NXPH1: variants seen among roughly 807,000 people sequenced by gnomAD.
The protein encoded by NXPH1 is neurexophilin-1.
Under a neutral mutation model 23.7 loss-of-function variants are expected in NXPH1, and 5 were observed. That is an observed-to-expected ratio of 0.21 (90% CI 0.11 to 0.44). The LOEUF is 0.44. NXPH1 is among the 20% of genes least tolerant of loss of function. NXPH1 has a pLI of 0.99. For missense variants in NXPH1, 324 were observed against 321.6 expected, an observed-to-expected ratio of 1.01 and a Z score of -0.06; for synonymous variants, 144 against 122.2, an observed-to-expected ratio of 1.18 and a Z score of -1.18.
chr7:8,646,778 A>C (rs1485940258), intron 2 of NXPH1, among the ~76,000 whole-genome samples: 3 of 151,918 alleles, frequency 2.0e-5, no homozygotes, highest in Admixed American at 6.6e-5. Context: ...GTCCCTCTAT[A>C]ATTTTATTTT....
intron 2 of NXPH1, among the ~76,000 whole-genome samples, chr7:8,658,180 G>T (rs1394992158): frequency 6.6e-6 from 1 of 152,156 alleles, no homozygotes; most frequent in East Asian, 1.9e-4. Flanking sequence ...CTATGTCCAT[G>T]TATACTTTCT....
chr7:8,588,281 G>C (rs1043493556), intron 2 of NXPH1, among the ~76,000 whole-genome samples: 2 of 152,124 alleles, frequency 1.3e-5, no homozygotes, highest in Non-Finnish European at 2.9e-5. Context: ...TCATTCTACT[G>C]TAAAGACACA....
intron 2 of NXPH1, among the ~76,000 whole-genome samples, chr7:8,537,471 C>A (rs959523803): frequency 1.3e-5 from 2 of 151,826 alleles, no homozygotes; most frequent in South Asian, 4.1e-4. Flanking sequence ...AAGTGCTGAG[C>A]AAAGGGGGAA....
intron 2 of NXPH1, among the ~76,000 whole-genome samples, chr7:8,657,188 T>G (rs1272337489): frequency 6.6e-6 from 1 of 152,252 alleles, no homozygotes; most frequent in African/African-American, 2.4e-5. Flanking sequence ...TACAAACATT[T>G]AATTTGAAAT....
chr7:8,568,250 A>G (rs888810138), intron 2 of NXPH1, among the ~76,000 whole-genome samples: 3 of 151,894 alleles, frequency 2.0e-5, no homozygotes, highest in African/African-American at 4.8e-5. Flanking sequence ...AGCATTTAAA[A>G]TTTCCCTTGT....
At chr7:8,653,010 C>T (rs2115153908) in intron 2 of NXPH1, among the ~76,000 whole-genome samples, 1 of 152,050 alleles carries the variant, frequency 6.6e-6, no homozygotes, top group South Asian at 2.1e-4. Context: ...TTTCTGCTTC[C>T]TTTTGTTTAT....
chr7:8,508,059 T>C (rs1399837982), intron 2 of NXPH1, among the ~76,000 whole-genome samples: 2 of 152,104 alleles, frequency 1.3e-5, no homozygotes, highest in African/African-American at 4.8e-5. Flanking sequence ...CCATCCAATA[T>C]TCCTGATTTC....
At chr7:8,464,019 T>C (rs1261278228) in intron 2 of NXPH1, among the ~76,000 whole-genome samples, 1 of 151,198 alleles carries the variant, frequency 6.6e-6, no homozygotes, top group East Asian at 1.9e-4. Context: ...TCTCTCCTCT[T>C]CCTCCTCCTC....
chr7:8,610,755 G>A (rs2128629431), intron 2 of NXPH1, among the ~76,000 whole-genome samples: 1 of 151,624 alleles, frequency 6.6e-6, no homozygotes, highest in Non-Finnish European at 1.5e-5. Flanking sequence ...TTTCAACTTA[G>A]AACAACTGAA....
intron 2 of NXPH1, among the ~76,000 whole-genome samples, chr7:8,497,015 C>T (rs1365628367): frequency 6.6e-6 from 1 of 152,056 alleles, no homozygotes; most frequent in Non-Finnish European, 1.5e-5. Context: ...CTATCCCTCC[C>T]CTTACCCCAT....
chr7:8,490,056 G>T (rs1303040067), intron 2 of NXPH1, among the ~76,000 whole-genome samples: 1 of 152,044 alleles, frequency 6.6e-6, no homozygotes, highest in African/African-American at 2.4e-5. Context: ...GCCTTAAAAG[G>T]AGTGTCCTTC....
At chr7:8,610,116 C>T (rs150370867) in intron 2 of NXPH1, among the ~76,000 whole-genome samples, 3 of 151,972 alleles carry the variant, frequency 2.0e-5, no homozygotes, top group Admixed American at 6.6e-5. Flanking sequence ...ACTTTATAAT[C>T]GTTTTGAGAT....
At chr7:8,659,849 A>T (rs1166325058) in intron 2 of NXPH1, among the ~76,000 whole-genome samples, 1 of 152,212 alleles carries the variant, frequency 6.6e-6, no homozygotes, top group Non-Finnish European at 1.5e-5. Flanking sequence ...TAGTCACCTG[A>T]GGGTGCACAG....
chr7:8,607,137 T>C (rs556136672), intron 2 of NXPH1, among the ~76,000 whole-genome samples: 1 of 152,280 alleles, frequency 6.6e-6, no homozygotes, highest in African/African-American at 2.4e-5. Flanking sequence ...TTAACAAAAT[T>C]AACTCGAAGT....
chr7:8,616,949 T>C (rs1230970239), intron 2 of NXPH1, among the ~76,000 whole-genome samples: 1 of 151,936 alleles, frequency 6.6e-6, no homozygotes, highest in Non-Finnish European at 1.5e-5. Context: ...TTCGTTATAG[T>C]AGTTGTGCCA....
chr7:8,661,677 T>C (rs557565216), intron 2 of NXPH1, among the ~76,000 whole-genome samples: 1 of 152,174 alleles, frequency 6.6e-6, no homozygotes, highest in Non-Finnish European at 1.5e-5. Flanking sequence ...GCGAAATTTA[T>C]GACTTTGGTT....
chr7:8,665,747 T>C (rs959686469), intron 2 of NXPH1, among the ~76,000 whole-genome samples: 1 of 150,430 alleles, frequency 6.6e-6, no homozygotes, highest in African/African-American at 2.4e-5. Flanking sequence ...TGAATTATTT[T>C]AAAGTATTTT....
intron 2 of NXPH1, among the ~76,000 whole-genome samples, chr7:8,667,423 G>A (rs1181928494): frequency 2.7e-5 from 4 of 148,674 alleles, no homozygotes; most frequent in African/African-American, 9.8e-5. Context: ...CTTTGTTTCT[G>A]AGAGTATCTT....
chr7:8,579,703 A>G lies in NXPH1; in HGVS notation c.54+143936A>G, dbSNP rs139645329. 3.1e-3 allele frequency among the ~76,000 whole-genome samples: 470 copies of G among 152,338 alleles called. 2 individuals are homozygous for G. Among genetic ancestry groups the G allele is most frequent in the Non-Finnish European group, 5.2e-3 (355 of 68,032 alleles). ...CAAGTTTTATGACACAAAATTCAGA[A>G]TGTAATTTGTTTTATCCACTTGGTT... On this transcript the variant is annotated intron_variant, in intron 2 of 2. Transcript: ENST00000405863.
Sources: allele counts gnomAD v4.1 joint callset (sites outside exome capture counted in the v4.1 genomes callset), GRCh38; gene constraint gnomAD v4.1.1; transcripts MANE v1.5; gene names NCBI Gene and HGNC (gene_info 2026-07-23, HGNC 2026-07-21).